Variants in SCN8A observed in about 807,000 individuals in gnomAD.
SCN8A encodes sodium channel protein type 8 subunit alpha.
Under a neutral mutation model 184.1 loss-of-function variants are expected in SCN8A, and 30 were observed. The observed-to-expected ratio is 0.16, with a 90% confidence interval of 0.12 to 0.22. The LOEUF (loss-of-function observed/expected upper bound fraction) is 0.22, where lower values mean the gene tolerates loss of function less well. Among genes scored for constraint, SCN8A ranks in the 10% least tolerant of loss-of-function variants. SCN8A has a pLI of 1.00. For missense variants in SCN8A, 1,057 were observed against 2,498.9 expected (o/e 0.42, Z 12.30); for synonymous variants, 852 against 907.0 (o/e 0.94, Z 1.09).
chr12:51,750,891 A>G (rs1267099460), intron 13 of SCN8A, among the ~76,000 whole-genome samples: 2 of 152,162 alleles, frequency 1.3e-5, no homozygotes, highest in African/African-American at 4.8e-5. Context: ...TTTATTGAGG[A>G]TTTACCCTGT....
intron 6 of SCN8A, among the ~76,000 whole-genome samples, chr12:51,697,076 A>T (rs1424788802): frequency 6.6e-6 from 1 of 151,506 alleles, no homozygotes; most frequent in African/African-American, 2.4e-5. Flanking sequence ...ACAATAGGTC[A>T]TAAGTAGTGA....
chr12:51,748,933 A>C (rs187317788), intron 13 of SCN8A, among the ~76,000 whole-genome samples: 1 of 152,306 alleles, frequency 6.6e-6, no homozygotes, highest in Admixed American at 6.5e-5. Flanking sequence ...TGAAATTGTG[A>C]GGTCCTTTCT....
intron 11 of SCN8A, among the ~76,000 whole-genome samples, chr12:51,712,171 G>T (rs1411021439): frequency 2.0e-5 from 3 of 152,070 alleles, no homozygotes; most frequent in Non-Finnish European, 2.9e-5. Flanking sequence ...AAAAGAAAAA[G>T]ACAAGGCTAC....
intron 1 of SCN8A, among the ~76,000 whole-genome samples, chr12:51,632,922 AC>A (rs1472070323): frequency 5.3e-5 from 8 of 151,366 alleles, no homozygotes; most frequent in Admixed American, 4.6e-4. Flanking sequence ...CCCCCTTCCC[AC>A]CCCTCACTGT....
intron 2 of SCN8A, among the ~76,000 whole-genome samples, chr12:51,673,384 G>A (rs751962249): frequency 6.6e-6 from 1 of 152,094 alleles, no homozygotes; most frequent in African/African-American, 2.4e-5. Flanking sequence ...CCAATTCCCC[G>A]TGGATACTGA....
chr12:51,722,593 A>C (rs534203203), intron 12 of SCN8A: 4 of 152,336 alleles, frequency 2.6e-5, no homozygotes, highest in Admixed American at 6.5e-5. Context: ...GAGCCAGGCA[A>C]GGAGAAGTTA....
chr12:51,723,052 A>G (rs570609563), intron 12 of SCN8A: 10 of 152,326 alleles, frequency 6.6e-5, no homozygotes, highest in South Asian at 2.1e-4. Context: ...AAGATAGCCA[A>G]TCCTTTAATT....
At chr12:51,801,491 C>T (rs1057255106) in intron 26 of SCN8A, among the ~76,000 whole-genome samples, 5 of 152,148 alleles carry the variant, frequency 3.3e-5, no homozygotes, top group Non-Finnish European at 7.3e-5. Flanking sequence ...CCTTTGGATC[C>T]CTTCCTCTAC....
intron 1 of SCN8A, among the ~76,000 whole-genome samples, chr12:51,618,458 A>AAC (rs56163627): frequency 0.04 from 5,583 of 138,762 alleles, 108 homozygotes; most frequent in South Asian, 0.056. Flanking sequence ...ATACCAGAGC[A>AAC]ACACACACAC....
Position 51,789,485 on chromosome 12 carries a change from T to A in SCN8A, c.4419+67T>A, listed in dbSNP as rs1667782124. 2.7e-6 allele frequency: 4 copies of A among 1,505,342 alleles called. No individual in the cohort carries two copies. In the African/African-American group the frequency reaches 4.2e-5, roughly 16 times the overall value. The allele number at this position is 1,505,342 out of a possible 1,614,324, so 93.2% of individuals were successfully genotyped here. A position where few individuals can be genotyped will look rare whatever the true frequency, so the allele number is the denominator to read the frequency against. On this transcript the variant is annotated intron_variant, in intron 24 of 26. Transcript: ENST00000627620. ...CAGATAAGAGGCACCTTTGTCCCTA[T>A]CTCTAGAAAGAAAATGTCCCTCTTT...
chr12:51,663,036 C>T lies in SCN8A; in HGVS notation c.219C>T (p.Pro73=). The change falls in exon 2 of 27, where the codon CCC becomes CCT. Residue 73 remains proline (P), a synonymous_variant. Transcript: ENST00000627620. Reference sequence around the variant, plus strand: ...TGCCTTTCATCTACGGGGACATCCCCCAAGGCCTGGTTGCAGTTCCCCTGG... The same window carrying T: ...TGCCTTTCATCTACGGGGACATCCCTCAAGGCCTGGTTGCAGTTCCCCTGG... ...KSLPFIYGDI[P]QGLVAVPLED... 1 of 1,614,020 alleles carries T rather than the reference C, an allele frequency of 6.2e-7. No individual in the cohort carries two copies. Among genetic ancestry groups the T allele is most frequent in the Non-Finnish European group, 8.5e-7 (1 of 1,179,886 alleles).
intron 3 of SCN8A, among the ~76,000 whole-genome samples, chr12:51,684,793 A>G (rs536510238): frequency 1.3e-5 from 2 of 152,218 alleles, no homozygotes; most frequent in Non-Finnish European, 2.9e-5. Flanking sequence ...AGAGGTTTAG[A>G]TGCAGATTGT....
chr12:51,766,646 T>C lies in SCN8A; in HGVS notation c.2901+619T>C, dbSNP rs563417881. Among the ~76,000 whole-genome samples the C allele has an allele frequency of 2.6e-5, 4 of 152,344 alleles. No homozygotes were observed. In the East Asian group the frequency reaches 7.7e-4, roughly 29 times the overall value. On this transcript the variant is annotated intron_variant, in intron 16 of 26. Transcript: ENST00000627620. ...TAAATGACAAATCACTTTATTGCTT[T>C]ACTTTGATCTGTCCACCTGCTCTCT...
intron 9 of SCN8A, among the ~76,000 whole-genome samples, chr12:51,703,666 T>A (rs1305341245): frequency 6.6e-6 from 1 of 152,246 alleles, no homozygotes; most frequent in Non-Finnish European, 1.5e-5. Context: ...TTAGTGTAAG[T>A]GATTGCTAAG....
chr12:51,773,447 C>G (rs936806380), intron 19 of SCN8A, among the ~76,000 whole-genome samples: 1 of 152,310 alleles, frequency 6.6e-6, no homozygotes, highest in East Asian at 1.9e-4. Flanking sequence ...GTATGACCCT[C>G]CACCCATACT....
chr12:51,772,660 A>G (rs1949844128), intron 19 of SCN8A, among the ~76,000 whole-genome samples: 1 of 151,690 alleles, frequency 6.6e-6, no homozygotes, highest in African/African-American at 2.4e-5. Flanking sequence ...TGTGGAACCC[A>G]TGACCCCTGT....
chr12:51,706,784 A>G (rs1330041888), intron 11 of SCN8A, 69 bp downstream of exon 11: 11 of 1,028,660 alleles, frequency 1.1e-5, no homozygotes, highest in African/African-American at 1.6e-5. Context: ...GTGTATATGT[A>G]TATTATACCA....
At chr12:51,637,730 T>C (rs1245938734) in intron 1 of SCN8A, among the ~76,000 whole-genome samples, 2 of 152,150 alleles carry the variant, frequency 1.3e-5, no homozygotes, top group Non-Finnish European at 2.9e-5. Flanking sequence ...CAGTATAAGA[T>C]GAAGGAGCAA....
intron 1 of SCN8A, among the ~76,000 whole-genome samples, chr12:51,614,224 T>C (rs1939783878): frequency 6.6e-6 from 1 of 152,146 alleles, no homozygotes; most frequent in Non-Finnish European, 1.5e-5. Flanking sequence ...CATTTTATCC[T>C]TAGTTTTGTT....
Sources: allele counts gnomAD v4.1 joint callset (sites outside exome capture counted in the v4.1 genomes callset), GRCh38; gene constraint gnomAD v4.1.1; transcripts MANE v1.5; gene names NCBI Gene and HGNC (gene_info 2026-07-23, HGNC 2026-07-21).